EFL1: variants seen among roughly 807,000 people sequenced by gnomAD.
The protein encoded by EFL1 is elongation factor like GTPase 1, also known as elongation factor-like GTPase 1.
EFL1 carries 76 observed loss-of-function variants against 126.7 expected under a neutral mutation model. The ratio of observed to expected loss-of-function variants is 0.60; its 90% CI spans 0.50 to 0.73. The LOEUF is 0.73. Among genes scored for constraint, EFL1 ranks in the 30% least tolerant of loss-of-function variants. The pLI, the probability that EFL1 is intolerant of heterozygous loss-of-function variation, is 0.00. For synonymous variants in EFL1, 410 were observed against 448.4 expected (o/e 0.91, Z 1.08); for missense variants, 1,128 against 1,343.2 (o/e 0.84, Z 2.50).
chr15:82,131,197 A>G (rs2073639527), intron 19 of EFL1, among the ~76,000 whole-genome samples: 1 of 152,202 alleles, frequency 6.6e-6, no homozygotes, highest in Admixed American at 6.5e-5. Flanking sequence ...TTGCTAGGAT[A>G]TATCTGAATG....
intron 7 of EFL1, among the ~76,000 whole-genome samples, 155 bp from the exon 8 acceptor site, chr15:82,231,126 T>G (rs1460168890): frequency 6.6e-6 from 1 of 152,184 alleles, no homozygotes; most frequent in Non-Finnish European, 1.5e-5. Context: ...GAAGCAGAGA[T>G]ATCACACAGG....
intron 18 of EFL1, 87 bp downstream of exon 18, chr15:82,151,378 A>T: frequency 7.7e-7 from 1 of 1,295,934 alleles, no homozygotes; most frequent in Non-Finnish European, 1.1e-6. Flanking sequence ...ACAGAATGAG[A>T]CCCTGTCTCA....
rs373675663 is a variant in EFL1, at chr15:82,261,679, T to G, written c.91+9A>C. 3 of 1,612,724 alleles carry G rather than the reference T, an allele frequency of 1.9e-6. No homozygotes were observed. The highest frequency in any genetic ancestry group is 2.2e-5 in the South Asian group (2 of 90,796). On this transcript the variant is annotated intron_variant, in intron 2 of 19. Transcript: ENST00000268206. The stretch of plus-strand genomic sequence containing the variant: ...TTATCAAAATAAGCCATTTAAAAAG[T>G]ATTCTTACCATGGTCAACATGAGCC...
At chr15:82,245,635 T>C (rs899097822) in intron 4 of EFL1, among the ~76,000 whole-genome samples, 5 of 151,992 alleles carry the variant, frequency 3.3e-5, no homozygotes, top group African/African-American at 1.2e-4. Context: ...TTGACTCTGA[T>C]AGTATGTGTC....
At chr15:82,179,443 C>A (rs150747594) in intron 15 of EFL1, among the ~76,000 whole-genome samples, 2,731 of 152,162 alleles carry the variant, frequency 0.018, 29 homozygotes, top group Non-Finnish European at 0.026. Flanking sequence ...TAAACCCCAA[C>A]TTAGATTGCA....
In EFL1 at chr15:82,176,741, C is replaced by T; in HGVS notation, c.1751-12757G>A. On this transcript the variant is annotated intron_variant, in intron 15 of 19. Coordinates refer to ENST00000268206, the MANE Select transcript of EFL1 (RefSeq NM_024580.6). The stretch of plus-strand genomic sequence containing the variant: ...AGCATAAAGTGGTACATTGACTAAG[C>T]TTGAGCATATGCCTACTCTATGACC... Among the ~76,000 whole-genome samples, 4 of 152,324 alleles carry T rather than the reference C, an allele frequency of 2.6e-5. No homozygotes were observed. In the Middle Eastern group the frequency reaches 0.014, roughly 518 times the overall value.
At chr15:82,156,483 C>T (rs954063614) in intron 17 of EFL1, among the ~76,000 whole-genome samples, 5 of 152,172 alleles carry the variant, frequency 3.3e-5, no homozygotes, top group Non-Finnish European at 5.9e-5. Flanking sequence ...GGGAGTTTCA[C>T]CATGTTGGCC....
intron 16 of EFL1, among the ~76,000 whole-genome samples, chr15:82,160,296 C>T (rs1348548423): frequency 1.3e-5 from 2 of 152,216 alleles, no homozygotes; most frequent in Non-Finnish European, 2.9e-5. Flanking sequence ...GTTAAACCTT[C>T]AGATGGCTAC....
At chr15:82,160,216 A>G (rs1396250381) in intron 16 of EFL1, 2 of 152,234 alleles carry the variant, frequency 1.3e-5, no homozygotes, top group African/African-American at 2.4e-5. Context: ...AGGACACTCA[A>G]ACAGTCATGT....
intron 7 of EFL1, among the ~76,000 whole-genome samples, chr15:82,236,361 G>T (rs2074872782): frequency 6.6e-6 from 1 of 152,078 alleles, no homozygotes; most frequent in African/African-American, 2.4e-5. Flanking sequence ...AACAGCAAAA[G>T]AAATTTTGAA....
At chr15:82,217,868 T>C (rs185716232) in intron 14 of EFL1, among the ~76,000 whole-genome samples, 1 of 152,340 alleles carries the variant, frequency 6.6e-6, no homozygotes, top group East Asian at 1.9e-4. Context: ...AGATTCCTTC[T>C]ACTCTCTTAT....
At chr15:82,153,192 C>G (rs1304497862) in intron 17 of EFL1, among the ~76,000 whole-genome samples, 1 of 152,154 alleles carries the variant, frequency 6.6e-6, no homozygotes, top group Non-Finnish European at 1.5e-5. Flanking sequence ...TCTTGAGCCC[C>G]AGTCTGCCAC....
In EFL1 at chr15:82,238,511, A is replaced by G. The variant is rs2074897366; in HGVS notation, c.527T>C (p.Leu176Pro). ...TTTAGAAGTAAAAAGAGTCCCTGTG[A>G]GCGCATTAATCTAGGAGAGATGGTG... ...LKNILEQINA[L>P]TGTLFTSKVL... is the part of the protein sequence containing the mutation. Residue 176 changes from leucine to proline, a missense_variant, in exon 7 of 20, where the codon CTC (leucine) becomes CCC (proline). Physicochemically the swap from Leu to Pro is moderately conservative, Grantham distance 98. Around this residue, in one of 6 missense-constraint regions of EFL1, gnomAD observed 316 missense variants for 318.5 expected, o/e 0.99. Coordinates refer to ENST00000268206, the MANE Select transcript of EFL1 (RefSeq NM_024580.6). 6.2e-7 allele frequency: 1 copy of G among 1,610,356 alleles called. No homozygotes were observed. The highest frequency in any genetic ancestry group is 8.5e-7 in the Non-Finnish European group (1 of 1,178,146).
At chr15:82,195,939 C>T (rs1180860743) in intron 15 of EFL1, among the ~76,000 whole-genome samples, 2 of 152,192 alleles carry the variant, frequency 1.3e-5, no homozygotes, top group East Asian at 3.9e-4. Flanking sequence ...AGTACAGGAA[C>T]TCAAAGAAAG....
At chr15:82,145,031 C>T (rs1039253389) in intron 18 of EFL1, among the ~76,000 whole-genome samples, 4 of 149,552 alleles carry the variant, frequency 2.7e-5, no homozygotes, top group Admixed American at 1.3e-4. Context: ...AGGCCAGGCA[C>T]GGTGGCTCAC....
intron 15 of EFL1, among the ~76,000 whole-genome samples, chr15:82,212,716 AT>A (rs2074603032): frequency 6.6e-6 from 1 of 152,220 alleles, no homozygotes; most frequent in South Asian, 2.1e-4. Context: ...TGGACTGGCT[AT>A]TCAAAAGCCA....
At chr15:82,148,660 A>G (rs1171393501) in intron 18 of EFL1, among the ~76,000 whole-genome samples, 1 of 152,196 alleles carries the variant, frequency 6.6e-6, no homozygotes. Context: ...GTTGATGACT[A>G]AGTGCTTGGC....
At chr15:82,226,519 A>G (rs924161251) in intron 11 of EFL1, among the ~76,000 whole-genome samples, 1 of 152,214 alleles carries the variant, frequency 6.6e-6, no homozygotes, top group African/African-American at 2.4e-5. Context: ...TGAGTAAATG[A>G]AAAGATTGAG....
chr15:82,207,929 C>G (rs1222272372), intron 15 of EFL1, among the ~76,000 whole-genome samples: 3 of 152,070 alleles, frequency 2.0e-5, no homozygotes, highest in Non-Finnish European at 2.9e-5. Context: ...CCATGTTGGC[C>G]AGGCTGGTTT....
Sources: allele counts gnomAD v4.1 joint callset (sites outside exome capture counted in the v4.1 genomes callset), GRCh38; gene constraint gnomAD v4.1.1; regional missense constraint gnomAD v4.1.1; transcripts MANE v1.5; gene names NCBI Gene and HGNC (gene_info 2026-07-23, HGNC 2026-07-21).